The following KALRN variants were observed in gnomAD, a reference collection of about 807,000 sequenced individuals.
KALRN encodes the protein kalirin.
Under a neutral mutation model 353.7 loss-of-function variants are expected in KALRN, and 70 were observed. The observed-to-expected ratio is 0.20, with a 90% CI of 0.16 to 0.24. The LOEUF is 0.24. KALRN is among the 10% of genes least tolerant of loss of function. KALRN has a pLI of 1.00. For synonymous variants in KALRN, 1,391 were observed against 1,434.8 expected (o/e 0.97, Z 0.69); for missense variants, 2,791 against 3,756.7 (o/e 0.74, Z 6.72).
At chr3:124,225,690 A>G (rs1248163894) in intron 1 of KALRN, among the ~76,000 whole-genome samples, 2 of 152,168 alleles carry the variant, frequency 1.3e-5, no homozygotes, top group African/African-American at 4.8e-5. Flanking sequence ...CTCTCCAAGG[A>G]TGGGAGTAGA....
chr3:124,195,408 G>A (rs1414844496), intron 1 of KALRN, among the ~76,000 whole-genome samples: 1 of 152,134 alleles, frequency 6.6e-6, no homozygotes, highest in African/African-American at 2.4e-5. Flanking sequence ...TTACTGGTGG[G>A]GAAAGGGTCC....
chr3:124,658,052 G>T (rs776960982), intron 41 of KALRN, among the ~76,000 whole-genome samples: 1 of 152,170 alleles, frequency 6.6e-6, no homozygotes, highest in East Asian at 1.9e-4. Context: ...CACTTGGGGG[G>T]GCGGAGGCAG....
At chr3:124,522,440 A>G (rs529306316) in intron 33 of KALRN, among the ~76,000 whole-genome samples, 13 of 152,238 alleles carry the variant, frequency 8.5e-5, no homozygotes, top group African/African-American at 3.1e-4. Flanking sequence ...CATATTGTGT[A>G]ATTTGAAAAG....
At chr3:124,144,455 G>A (rs1446711552) in intron 1 of KALRN, among the ~76,000 whole-genome samples, 1 of 152,034 alleles carries the variant, frequency 6.6e-6, no homozygotes, top group Non-Finnish European at 1.5e-5. Flanking sequence ...TTCCAGGTAT[G>A]CACACCACTT....
chr3:124,521,878 C>A (rs2067192287), intron 33 of KALRN, among the ~76,000 whole-genome samples: 1 of 152,126 alleles, frequency 6.6e-6, no homozygotes, highest in African/African-American at 2.4e-5. Flanking sequence ...ATTAATTCAA[C>A]AAATATATAC....
chr3:124,355,871 A>G (rs755758039), intron 10 of KALRN, among the ~76,000 whole-genome samples: 61 of 151,856 alleles, frequency 4.0e-4, no homozygotes, highest in Non-Finnish European at 6.8e-4. Flanking sequence ...ATGAGCCACT[A>G]CACCCTGCTA....
chr3:124,035,746 C>G (rs901851466), intron 1 of KALRN, among the ~76,000 whole-genome samples: 6 of 152,238 alleles, frequency 3.9e-5, no homozygotes, highest in African/African-American at 1.2e-4. Context: ...CTAACCCTGG[C>G]TCAAATCACA....
intron 34 of KALRN, among the ~76,000 whole-genome samples, chr3:124,578,825 C>G (rs538900039): frequency 2.6e-5 from 4 of 151,696 alleles, no homozygotes; most frequent in Admixed American, 6.6e-5. Flanking sequence ...AGGTGAGAAT[C>G]ACCCCTGTGG....
At chr3:124,704,693 G>A (rs1559873216) in intron 57 of KALRN, among the ~76,000 whole-genome samples, 2 of 152,044 alleles carry the variant, frequency 1.3e-5, no homozygotes, top group Non-Finnish European at 2.9e-5. Context: ...GACTACAGGC[G>A]TGAGCCATCA....
chr3:124,086,547 T>C (rs2060834931), intron 1 of KALRN, among the ~76,000 whole-genome samples: 1 of 152,188 alleles, frequency 6.6e-6, no homozygotes. Context: ...TAATGGTTTC[T>C]AGGAACTTTT....
intron 3 of KALRN, among the ~76,000 whole-genome samples, chr3:124,256,330 C>T (rs1253242676): frequency 6.6e-6 from 1 of 152,090 alleles, no homozygotes; most frequent in African/African-American, 2.4e-5. Flanking sequence ...TGCCCCCTGC[C>T]CCTGAAGTGG....
chr3:124,407,896 C>T (rs1343692261), intron 13 of KALRN: 1 of 152,238 alleles, frequency 6.6e-6, no homozygotes, highest in East Asian at 1.9e-4. Context: ...CCTCAGCCTC[C>T]CGAGTAGCTG....
chr3:124,105,721 G>T (rs1046720619), intron 1 of KALRN, among the ~76,000 whole-genome samples: 2 of 152,126 alleles, frequency 1.3e-5, no homozygotes, highest in Non-Finnish European at 2.9e-5. Context: ...GTGGGAGGAG[G>T]TGGTGAAGAT....
chr3:124,151,378 C>T (rs759130730), intron 1 of KALRN, among the ~76,000 whole-genome samples: 4 of 152,160 alleles, frequency 2.6e-5, no homozygotes, highest in African/African-American at 4.8e-5. Context: ...GGCTTTTCTG[C>T]TAGGTATGTG....
At chr3:124,082,704 G>T (rs1355152918) in intron 1 of KALRN, among the ~76,000 whole-genome samples, 1 of 152,184 alleles carries the variant, frequency 6.6e-6, no homozygotes, top group Non-Finnish European at 1.5e-5. Context: ...CGGTTCAGAG[G>T]AGTTTACAGT....
At chr3:124,146,695 T>C (rs1408852863) in intron 1 of KALRN, among the ~76,000 whole-genome samples, 1 of 151,750 alleles carries the variant, frequency 6.6e-6, no homozygotes, top group Non-Finnish European at 1.5e-5. Flanking sequence ...CTGGTCAACA[T>C]GGTGAAACCC....
At chr3:124,240,728 A>G (rs2080333829) in intron 3 of KALRN, among the ~76,000 whole-genome samples, 1 of 152,184 alleles carries the variant, frequency 6.6e-6, no homozygotes, top group Non-Finnish European at 1.5e-5. Context: ...GAGAGAAGAT[A>G]CAGAATGGAT....
intron 33 of KALRN, among the ~76,000 whole-genome samples, chr3:124,536,473 A>G (rs1028594454): frequency 6.6e-6 from 1 of 152,186 alleles, no homozygotes; most frequent in Non-Finnish European, 1.5e-5. Flanking sequence ...AAATGCTGGG[A>G]TTATAGGCGT....
intron 27 of KALRN, among the ~76,000 whole-genome samples, chr3:124,479,869 A>G (rs758149195): frequency 7.2e-5 from 11 of 151,800 alleles, no homozygotes; most frequent in Non-Finnish European, 1.2e-4. Flanking sequence ...GACTACAGGC[A>G]CCCACCACCA....
Sources: allele counts gnomAD v4.1 joint callset (sites outside exome capture counted in the v4.1 genomes callset), GRCh38; gene constraint gnomAD v4.1.1; transcripts MANE v1.5; gene names NCBI Gene and HGNC (gene_info 2026-07-23, HGNC 2026-07-21).